Variants in TMEM131L observed in about 807,000 individuals in gnomAD.
TMEM131L encodes transmembrane protein 131-like.
TMEM131L carries 54 observed loss-of-function variants against 192.2 expected under a neutral mutation model. That is an observed-to-expected ratio of 0.28 (90% confidence interval 0.23 to 0.35). The LOEUF (loss-of-function observed/expected upper bound fraction) is 0.35, where lower values mean the gene tolerates loss of function less well. Ranked by LOEUF, TMEM131L falls within the 10% of genes least tolerant of loss-of-function variation. The pLI is 1.00. For synonymous variants in TMEM131L, 701 were observed against 704.9 expected (o/e 0.99, Z 0.09); for missense variants, 1,888 against 1,972.9 (o/e 0.96, Z 0.82).
At chr4:153,630,960 T>G (rs755428029) in intron 31 of TMEM131L, among the ~76,000 whole-genome samples, 10 of 152,236 alleles carry the variant, frequency 6.6e-5, no homozygotes, top group Non-Finnish European at 1.5e-4. Context: ...GAACAGTGTC[T>G]TCAATCTGCC....
In TMEM131L at chr4:153,467,205, C is replaced by T. The variant is rs1304215821; in HGVS notation, c.125-6C>T. ...AAACGTGGTGTATTTTTTGGTGTTC[C>T]TGCAGCGATTGAGCCGTTGCCGAAC... On this transcript the variant is annotated splice_region_variant and splice_polypyrimidine_tract_variant and intron_variant, in intron 1 of 34. Coordinates refer to ENST00000409959, the MANE Select transcript of TMEM131L (RefSeq NM_001131007.2). 34 of 1,551,574 alleles carry T rather than the reference C, an allele frequency of 2.2e-5. No homozygotes were observed. Among genetic ancestry groups the T allele is most frequent in the African/African-American group, 2.7e-5 (2 of 73,042 alleles).
chr4:153,606,133 G>A (rs1408844813), intron 25 of TMEM131L, among the ~76,000 whole-genome samples: 1 of 152,198 alleles, frequency 6.6e-6, no homozygotes, highest in East Asian at 1.9e-4. Context: ...TGGGGTGATT[G>A]GGTGTCTTAT....
chr4:153,504,190 G>A (rs537825243), intron 3 of TMEM131L, among the ~76,000 whole-genome samples: 4 of 146,910 alleles, frequency 2.7e-5, no homozygotes, highest in South Asian at 2.2e-4. Flanking sequence ...GGATGTTCTC[G>A]ATCTCCTGAC....
rs765659387 is a variant in TMEM131L, at chr4:153,602,591, G to A, written c.2503G>A (p.Val835Ile). Residue 835 changes from valine to isoleucine, a missense_variant, in exon 23 of 35, where the codon GTA becomes ATA. Coordinates refer to ENST00000409959, the MANE Select transcript of TMEM131L (RefSeq NM_001131007.2). ...CTGGGTAATTCGGGACCTAAGTCTT[G>A]TAACCGCAGCGGACCTAGAATTTCG... is the stretch of plus-strand genomic sequence containing the variant. ...SSWVIRDLSL[V>I]TAADLEFRFT... The A allele has an allele frequency of 1.2e-6, 2 of 1,614,004 alleles. No individual in the cohort carries two copies. Among genetic ancestry groups the A allele is most frequent in the Admixed American group, 1.7e-5 (1 of 59,990 alleles).
At chr4:153,544,466 A>G (rs532980057) in intron 3 of TMEM131L, among the ~76,000 whole-genome samples, 25 of 152,172 alleles carry the variant, frequency 1.6e-4, no homozygotes, top group South Asian at 1.0e-3. Context: ...GGTAGCTGCT[A>G]TGGGGCCCAG....
At chr4:153,571,240 A>C (rs1419772239) in intron 7 of TMEM131L, among the ~76,000 whole-genome samples, 1 of 152,184 alleles carries the variant, frequency 6.6e-6, no homozygotes, top group Non-Finnish European at 1.5e-5. Context: ...AGTCAGGCCC[A>C]GGCTCGGTTT....
intron 5 of TMEM131L, 36 bp from the exon 6 acceptor site, chr4:153,556,930 C>T: frequency 2.1e-6 from 2 of 934,250 alleles, no homozygotes; most frequent in Non-Finnish European, 1.7e-6. Flanking sequence ...TCAAAGGAGG[C>T]CATTCCAAGT....
chr4:153,580,949 C>A (rs1250922157), intron 8 of TMEM131L, 46 bp downstream of exon 8: 2 of 1,347,508 alleles, frequency 1.5e-6, no homozygotes, highest in East Asian at 4.6e-5. Context: ...CCTCCTGCCT[C>A]TTTGCTTAAA....
At chr4:153,599,248 C>T (rs1335666314) in intron 21 of TMEM131L, among the ~76,000 whole-genome samples, 1 of 152,176 alleles carries the variant, frequency 6.6e-6, no homozygotes, top group African/African-American at 2.4e-5. Context: ...CCAGATCTCA[C>T]GACAACTCAC....
rs1287886301 is a variant in TMEM131L, at chr4:153,593,802, T to C, written c.1926T>C (p.Phe642=). ...EALVHLLHRW[F]GTDMQMINFT... ...ACATTTGCTTTTTTCCTTATAGGTT[T>C]GGCACTGATATGCAGATGATTAATT... Residue 642 remains phenylalanine (F), a synonymous_variant, in exon 19 of 35, where the codon TTT becomes TTC. Transcript: ENST00000409959. The C allele has an allele frequency of 8.1e-6, 13 of 1,610,250 alleles. No homozygotes were observed. Among genetic ancestry groups the C allele is most frequent in the African/African-American group, 1.3e-5 (1 of 74,878 alleles).
intron 7 of TMEM131L, among the ~76,000 whole-genome samples, chr4:153,570,002 T>TTTTTATTTTATTTTA (rs112256136): frequency 3.9e-5 from 6 of 152,154 alleles, no homozygotes; most frequent in African/African-American, 1.4e-4. Flanking sequence ...CAATTTCTTG[T>TTTTTATTTTATTTTA]TTTTATTTTA....
chr4:153,601,226 A>G lies in TMEM131L; in HGVS notation c.2267-926A>G, dbSNP rs536725455. Among the ~76,000 whole-genome samples the G allele has an allele frequency of 1.3e-4, 20 of 152,310 alleles. No homozygotes were observed. The East Asian group carries it at 3.5e-3, about 26-fold the overall frequency. On this transcript the variant is annotated intron_variant, in intron 21 of 34. Coordinates refer to ENST00000409959, the MANE Select transcript of TMEM131L (RefSeq NM_001131007.2). ...TTGACTTTGAATGATAGAATTAAGA[A>G]GTAATATAAAAACTATAGAACCAGA...
intron 7 of TMEM131L, among the ~76,000 whole-genome samples, chr4:153,576,212 G>A (rs965429064): frequency 2.0e-4 from 30 of 151,948 alleles, no homozygotes; most frequent in Non-Finnish European, 4.3e-4. Context: ...TGCCTGCCTC[G>A]GCCTCCCAGA....
At chr4:153,470,315 T>G (rs1235584398) in intron 2 of TMEM131L, among the ~76,000 whole-genome samples, 2 of 152,214 alleles carry the variant, frequency 1.3e-5, no homozygotes, top group Non-Finnish European at 2.9e-5. Context: ...ATTTTAGTGG[T>G]CCCTGAGCTG....
At chr4:153,500,577 C>T (rs566647077) in intron 3 of TMEM131L, among the ~76,000 whole-genome samples, 5 of 152,126 alleles carry the variant, frequency 3.3e-5, no homozygotes, top group Admixed American at 6.6e-5. Context: ...CTACTTGGAT[C>T]GTGTTATTTT....
chr4:153,581,303 C>T (rs902926116), intron 8 of TMEM131L, 104 bp from the exon 9 acceptor site: 4 of 835,936 alleles, frequency 4.8e-6, no homozygotes, highest in African/African-American at 1.7e-5. Context: ...TCTGTTCTCA[C>T]ACACGTCCCA....
intron 3 of TMEM131L, among the ~76,000 whole-genome samples, chr4:153,528,324 A>T (rs1259141598): frequency 6.6e-6 from 1 of 152,252 alleles, no homozygotes; most frequent in Non-Finnish European, 1.5e-5. Flanking sequence ...GTGATAAAAC[A>T]TAAGTTTTGT....
At chr4:153,540,126 AAAAAC>A (rs987431814) in intron 3 of TMEM131L, among the ~76,000 whole-genome samples, 1 of 128,710 alleles carries the variant, frequency 7.8e-6, no homozygotes, top group African/African-American at 4.1e-5. Context: ...ATAAAAACAA[AAAAAC>A]AAAAAAAAAA....
In TMEM131L at chr4:153,518,748, C is replaced by T. The variant is rs758947997; in HGVS notation, c.240-31325C>T. 2.6e-5 allele frequency among the ~76,000 whole-genome samples: 4 copies of T among 152,180 alleles called. No individual in the cohort carries two copies. In the South Asian group the frequency reaches 8.3e-4, roughly 32 times the overall value. Reference sequence around the variant, plus strand: ...CGAGTTTACTGTAAAAATCAATAGCCCGACTTGGTGCTCAGGCTCTGTTTT... The same window carrying T: ...CGAGTTTACTGTAAAAATCAATAGCTCGACTTGGTGCTCAGGCTCTGTTTT... On this transcript the variant is annotated intron_variant, in intron 3 of 34. Coordinates refer to ENST00000409959, the MANE Select transcript of TMEM131L (RefSeq NM_001131007.2).
Sources: gnomAD v4.1 joint callset for allele counts (sites outside exome capture counted in the v4.1 genomes callset) on GRCh38, gnomAD v4.1.1 for gene constraint, MANE v1.5 for transcripts, NCBI Gene and HGNC (gene_info 2026-07-23, HGNC 2026-07-21) for gene names.